The following RARB variants were observed in gnomAD, a reference collection of about 807,000 sequenced individuals.
RARB encodes HBV-activated protein.
In RARB, 17 loss-of-function variants were observed where a neutral mutation model predicts 51.9. That is an observed-to-expected ratio of 0.33 (90% CI 0.22 to 0.49). RARB has a LOEUF of 0.49. Ranked by LOEUF, RARB falls within the 20% of genes least tolerant of loss-of-function variation. The pLI is 0.99. For synonymous variants in RARB, 215 were observed against 195.4 expected (o/e 1.10, Z -0.84); for missense variants, 369 against 550.8 (o/e 0.67, Z 3.30).
chr3:25,536,664 A>G (rs188544350), intron 3 of RARB, among the ~76,000 whole-genome samples: 148 of 152,354 alleles, frequency 9.7e-4, no homozygotes, highest in Middle Eastern at 3.4e-3. Flanking sequence ...TGTTACAGCT[A>G]AAGTTAAACT....
intron 4 of RARB, among the ~76,000 whole-genome samples, chr3:25,149,162 G>C (rs998735205): frequency 2.0e-5 from 3 of 152,160 alleles, no homozygotes; most frequent in African/African-American, 7.2e-5. Flanking sequence ...AGGGTGATGA[G>C]ATTGGGGAGG....
chr3:25,167,011 A>C (rs76012872), intron 4 of RARB, among the ~76,000 whole-genome samples: 1,933 of 152,260 alleles, frequency 0.013, 44 homozygotes, highest in African/African-American at 0.045. Context: ...TTATTGTTCA[A>C]TTTCAGATTG....
At chr3:25,440,800 T>C (rs1273996727) in intron 1 of RARB, among the ~76,000 whole-genome samples, 4 of 151,876 alleles carry the variant, frequency 2.6e-5, no homozygotes, top group Non-Finnish European at 1.5e-5. Flanking sequence ...TAAAAAAAAA[T>C]CCAAATGCTA....
At chr3:24,884,667 C>T (rs911130722) in intron 2 of RARB, among the ~76,000 whole-genome samples, 4 of 152,062 alleles carry the variant, frequency 2.6e-5, no homozygotes, top group African/African-American at 4.8e-5. Context: ...TTTGTGAAAG[C>T]TCTTTGACGT....
chr3:25,238,876 G>C (rs190590402), intron 5 of RARB, among the ~76,000 whole-genome samples: 297 of 152,230 alleles, frequency 2.0e-3, no homozygotes, highest in Non-Finnish European at 3.1e-3. Context: ...CTATTAGGGA[G>C]GCTGAGGCAG....
At chr3:25,203,893 G>C (rs2125372831) in intron 5 of RARB, among the ~76,000 whole-genome samples, 1 of 152,160 alleles carries the variant, frequency 6.6e-6, no homozygotes, top group South Asian at 2.1e-4. Context: ...TTATGAATCT[G>C]ACAATTATGT....
chr3:24,958,254 G>GGTTTTGTTT (rs1321125356), intron 2 of RARB, among the ~76,000 whole-genome samples: 1 of 67,408 alleles, frequency 1.5e-5, no homozygotes, highest in Non-Finnish European at 2.6e-5. Context: ...GAGCTGCTCA[G>GGTTTTGTTT]GTTTTTTTTT....
chr3:25,432,717 C>T (rs1708257743), intron 1 of RARB, among the ~76,000 whole-genome samples: 1 of 152,076 alleles, frequency 6.6e-6, no homozygotes. Context: ...TTTACACATT[C>T]CACAGATATC....
intron 3 of RARB, among the ~76,000 whole-genome samples, chr3:25,568,822 G>T (rs552392507): frequency 1.5e-4 from 23 of 152,334 alleles, no homozygotes; most frequent in Admixed American, 1.4e-3. Context: ...CCCTGGAGGG[G>T]GTGGCATGGT....
At chr3:25,259,505 C>G (rs911404908) in intron 5 of RARB, among the ~76,000 whole-genome samples, 19 of 152,220 alleles carry the variant, frequency 1.2e-4, no homozygotes, top group Non-Finnish European at 2.8e-4. Context: ...TCCAAGGTAA[C>G]CTAGGAACCT....
intron 5 of RARB, among the ~76,000 whole-genome samples, chr3:25,411,682 T>G (rs377181634): frequency 1.3e-5 from 2 of 152,178 alleles, no homozygotes; most frequent in African/African-American, 4.8e-5. Context: ...TGAAAACTAG[T>G]AATCTAAGTC....
At chr3:24,938,884 C>T (rs950326732) in intron 2 of RARB, among the ~76,000 whole-genome samples, 4 of 152,154 alleles carry the variant, frequency 2.6e-5, no homozygotes, top group African/African-American at 9.7e-5. Context: ...AATGTTGTAG[C>T]ATGTATCAAA....
At chr3:25,056,178 T>A (rs144613414) in intron 2 of RARB, among the ~76,000 whole-genome samples, 2,382 of 152,090 alleles carry the variant, frequency 0.016, 42 homozygotes, top group South Asian at 0.024. Flanking sequence ...CAACACAAAC[T>A]AGGCAGCCTA....
At chr3:25,483,642 T>A (rs1559426925) in intron 2 of RARB, among the ~76,000 whole-genome samples, 3 of 151,514 alleles carry the variant, frequency 2.0e-5, no homozygotes, top group Admixed American at 1.3e-4. Flanking sequence ...CTTGTTTTGG[T>A]AGCATAGGAA....
In RARB at chr3:25,143,215, C is replaced by G. The variant is rs1460896001; in HGVS notation, c.-280+11007C>G. ...TCAGAGTTTGTAATTTAGCTAGCAG[C>G]TGCTAGCAGCTGGTAACACGTTGAG... On this transcript the variant is annotated intron_variant, in intron 4 of 11. Transcript: ENST00000383772. Among the ~76,000 whole-genome samples the G allele has an allele frequency of 2.6e-5, 4 of 152,168 alleles. No homozygotes were observed. In the East Asian group the frequency reaches 7.7e-4, roughly 29 times the overall value.
In RARB at chr3:24,988,279, A is replaced by G. The variant is rs374424546; in HGVS notation, c.-379-71846A>G. On this transcript the variant is annotated intron_variant, in intron 2 of 11. Transcript: ENST00000383772. ...AAAGTAAAAGCCATGCTTTGAGCTT[A>G]GGGGTTGTGAGTAGGTATGGATGTC... 2.6e-5 allele frequency among the ~76,000 whole-genome samples: 4 copies of G among 152,182 alleles called. No individual in the cohort carries two copies. The East Asian group carries it at 5.8e-4, about 22-fold the overall frequency.
intron 5 of RARB, among the ~76,000 whole-genome samples, chr3:25,390,224 G>C (rs977600425): frequency 6.6e-6 from 1 of 152,118 alleles, no homozygotes; most frequent in Non-Finnish European, 1.5e-5. Flanking sequence ...CAGGTGCTGT[G>C]GTGCATGCCT....
In RARB at chr3:25,597,165, GA is replaced by G. The variant is rs1701870712; in HGVS notation, c.*550del. 6.6e-6 allele frequency: 1 copy of G among 152,382 alleles called. No homozygotes were observed. The highest frequency in any genetic ancestry group is 6.5e-5 in the Admixed American group (1 of 15,270). The allele number at this position is 152,382 out of a possible 1,614,324, so 9.4% of individuals were successfully genotyped here. ...ACAGGACTATTGTACAGTATGACAAGATAAGGCTGAAGATATTCTACTTTAG... is the reference window on the plus strand; with the variant it reads ...ACAGGACTATTGTACAGTATGACAAGTAAGGCTGAAGATATTCTACTTTAG... On this transcript the variant is annotated 3_prime_UTR_variant, in exon 8 of 8. Transcript: ENST00000330688.
chr3:25,001,808 C>T (rs1697167089), intron 2 of RARB, among the ~76,000 whole-genome samples: 1 of 152,158 alleles, frequency 6.6e-6, no homozygotes, highest in Non-Finnish European at 1.5e-5. Flanking sequence ...GAAATGTGTT[C>T]ACTGAATCTT....
Sources: gnomAD v4.1 joint callset for allele counts (sites outside exome capture counted in the v4.1 genomes callset) on GRCh38, gnomAD v4.1.1 for gene constraint, MANE v1.5 for transcripts, NCBI Gene and HGNC (gene_info 2026-07-23, HGNC 2026-07-21) for gene names.